The following TBKBP1 variants were observed in gnomAD, a reference collection of about 807,000 sequenced individuals.
The protein encoded by TBKBP1 is TBK1 binding protein 1, also known as TANK-binding kinase 1-binding protein 1.
A neutral mutation model predicts 69.9 loss-of-function variants in TBKBP1; 47 were observed. The ratio of observed to expected loss-of-function variants is 0.67; its 90% confidence interval spans 0.53 to 0.86. TBKBP1 has a LOEUF of 0.86. Ranked by LOEUF, TBKBP1 falls within the 40% of genes least tolerant of loss-of-function variation. TBKBP1 has a pLI of 0.00. For missense variants in TBKBP1, 831 were observed against 858.6 expected (o/e 0.97, Z 0.40); for synonymous variants, 418 against 390.3 (o/e 1.07, Z -0.84).
chr17:47,703,235 C>T (rs1330318670), intron 7 of TBKBP1, among the ~76,000 whole-genome samples: 1 of 152,154 alleles, frequency 6.6e-6, no homozygotes, highest in Non-Finnish European at 1.5e-5. Flanking sequence ...ACCCACAAGC[C>T]TCTGCGTGGG....
In TBKBP1 at chr17:47,696,245, A is replaced by G. The variant is rs1364288292; in HGVS notation, c.133A>G (p.Ile45Val). ...DMCSASHFAL[I>V]TAYGDIKERL... Reference sequence around the variant, plus strand: ...GTGCTCCGCCTCCCACTTTGCCCTCATCACTGCTTACGGAGACATCAAGGA... The same window carrying G: ...GTGCTCCGCCTCCCACTTTGCCCTCGTCACTGCTTACGGAGACATCAAGGA... The change falls in exon 2 of 10, where the codon ATC becomes GTC. Residue 45 changes from isoleucine (I) to valine (V), a missense_variant. Transcript: ENST00000578982. The G allele has an allele frequency of 1.2e-6, 2 of 1,613,726 alleles. No homozygotes were observed. Among genetic ancestry groups the G allele is most frequent in the African/African-American group, 2.7e-5 (2 of 75,024 alleles).
chr17:47,701,240 T>C (rs2031488680), intron 7 of TBKBP1, among the ~76,000 whole-genome samples: 1 of 152,082 alleles, frequency 6.6e-6, no homozygotes, highest in African/African-American at 2.4e-5. Flanking sequence ...GTGGGACTGG[T>C]GGGTGGGACC....
chr17:47,696,669 C>A, intron 2 of TBKBP1, 42 bp from the exon 3 acceptor site: 2 of 1,613,164 alleles, frequency 1.2e-6, no homozygotes, highest in Non-Finnish European at 1.7e-6. Flanking sequence ...CTGGGCTGGG[C>A]ACCCGGGAAT....
At position 47,696,570 on chromosome 17, in the gene TBKBP1, C is replaced by G. The variant is rs541471727; in HGVS notation, c.226-141C>G. 175 of 1,360,420 alleles carry G rather than the reference C, an allele frequency of 1.3e-4. No homozygotes were observed. In the African/African-American group the frequency reaches 2.5e-3, roughly 19 times the overall value. The allele number at this position is 1,360,420 out of a possible 1,614,324, so 84.3% of individuals were successfully genotyped here. A position where few individuals can be genotyped will look rare whatever the true frequency, so the allele number is the denominator to read the frequency against. ...CGGTGGGTGGGAGATGGCTACAGACCCATGGGAATTGGGATCCCACTAGCC... is the reference window on the plus strand; with the variant it reads ...CGGTGGGTGGGAGATGGCTACAGACGCATGGGAATTGGGATCCCACTAGCC... On this transcript the variant is annotated intron_variant, in intron 2 of 9. Transcript: ENST00000578982.
intron 7 of TBKBP1, among the ~76,000 whole-genome samples, chr17:47,703,453 C>A (rs984029186): frequency 6.6e-6 from 1 of 152,200 alleles, no homozygotes; most frequent in Non-Finnish European, 1.5e-5. Flanking sequence ...AAGTCTCCTT[C>A]GGCCAGGGCA....
Position 47,709,096 on chromosome 17 carries a change from G to A in TBKBP1, c.1363G>A (p.Gly455Ser), listed in dbSNP as rs2031817366. Residue 455 changes from glycine (G) to serine (S), a missense_variant, in exon 9 of 10, where the codon GGC becomes AGC. Gly to Ser is a moderately conservative substitution (Grantham distance 56). Transcript: ENST00000578982. Reference sequence around the variant, plus strand: ...GCCGCCCAGCCACCACGTGAAGGCCGGCTTCCAGGGCCGCCGCAGCTACTC... The same window carrying A: ...GCCGCCCAGCCACCACGTGAAGGCCAGCTTCCAGGGCCGCCGCAGCTACTC... ...AKPPSHHVKA[G>S]FQGRRSYSEL... is the part of the protein sequence containing the mutation. The A allele has an allele frequency of 7.4e-7, 1 of 1,360,022 alleles. No individual in the cohort carries two copies. Among genetic ancestry groups the A allele is most frequent in the East Asian group, 3.3e-5 (1 of 30,304 alleles). 84.2% of individuals were successfully genotyped at this position (1,360,022 alleles called of 1,614,324 possible).
chr17:47,696,623 G>A, intron 2 of TBKBP1, 88 bp from the exon 3 acceptor site: 4 of 1,595,312 alleles, frequency 2.5e-6, no homozygotes, highest in Non-Finnish European at 3.4e-6. Context: ...AAGGTCTGAG[G>A]CAGGTTGTGG....
At position 47,708,530 on chromosome 17, in the gene TBKBP1, A is replaced by AG; in HGVS notation, c.991+23dup. On this transcript the variant is annotated intron_variant, in intron 8 of 9. Coordinates refer to ENST00000578982, the MANE Select transcript of TBKBP1 (RefSeq NM_001394755.1). The surrounding 1 kb of genome is among the most constrained non-coding windows in gnomAD (Gnocchi z 4.4). The stretch of plus-strand genomic sequence containing the variant: ...GAGTGGCGGTGAGATGGGGCAGGGC[A>AG]GGGGGAGGCAGCCGCGGGACCCGGG... 1 of 1,611,588 alleles carries AG rather than the reference A, an allele frequency of 6.2e-7. No homozygotes were observed. Among genetic ancestry groups the AG allele is most frequent in the Non-Finnish European group, 8.5e-7 (1 of 1,178,378 alleles).
rs150137896 is a variant in TBKBP1, at chr17:47,707,068, C to T, written c.873-1326C>T. 7.8e-3 allele frequency among the ~76,000 whole-genome samples: 1,194 copies of T among 152,370 alleles called. 6 individuals carry two copies. Among genetic ancestry groups the T allele is most frequent in the Non-Finnish European group, 0.012 (818 of 68,030 alleles). ...TGTGTGGAGTGACACCTGGTATTTT[C>T]TCCCAGCTCCATCTTCCACTAAGTT... On this transcript the variant is annotated intron_variant, in intron 7 of 9. Coordinates refer to ENST00000578982, the MANE Select transcript of TBKBP1 (RefSeq NM_001394755.1).
intron 7 of TBKBP1, among the ~76,000 whole-genome samples, chr17:47,699,989 A>ATT (rs367853875): frequency 4.4e-5 from 6 of 136,240 alleles, no homozygotes; most frequent in East Asian, 2.1e-4. Flanking sequence ...TGCCTAGCTA[A>ATT]TTTTTTTTTT....
chr17:47,698,763 G>T lies in TBKBP1; in HGVS notation c.622G>T (p.Gly208Cys). 4 of 1,571,756 alleles carry T rather than the reference G, an allele frequency of 2.5e-6. No homozygotes were observed. The highest frequency in any genetic ancestry group is 1.2e-5 in the South Asian group (1 of 85,620). ...LHYLALRGGS[G>C]LSHAGWPGST... is the part of the protein sequence containing the mutation. ...CTACCTGGCACTGAGAGGGGGATCT[G>T]GCTTGAGTCATGGTGAGATCTCAGT... Residue 208 changes from glycine to cysteine, a missense_variant, in exon 5 of 10, where the codon GGC (glycine) becomes TGC (cysteine). Gly to Cys is a radical substitution (Grantham distance 159, BLOSUM62 -3). Transcript: ENST00000578982.
intron 7 of TBKBP1, among the ~76,000 whole-genome samples, chr17:47,704,721 C>T (rs754185146): frequency 6.6e-6 from 1 of 152,338 alleles, no homozygotes; most frequent in East Asian, 1.9e-4. Flanking sequence ...ATCTTGGCCA[C>T]GTGCTACATC....
In TBKBP1 at chr17:47,699,312, A is replaced by G; in HGVS notation, c.635-8A>G. 1 of 1,518,842 alleles carries G rather than the reference A, an allele frequency of 6.6e-7. No individual in the cohort carries two copies. The highest frequency in any genetic ancestry group is 8.8e-7 in the Non-Finnish European group (1 of 1,139,534). The allele number at this position is 1,518,842 out of a possible 1,614,324, so 94.1% of individuals were successfully genotyped here. A position where few individuals can be genotyped will look rare whatever the true frequency, so the allele number is the denominator to read the frequency against. On this transcript the variant is annotated splice_polypyrimidine_tract_variant and splice_region_variant and intron_variant, in intron 5 of 9. Coordinates refer to ENST00000578982, the MANE Select transcript of TBKBP1 (RefSeq NM_001394755.1). ...GAGCTCGCCTGACGTTGTCCTGTCC[A>G]CCGACAGCAGGCTGGCCGGGCTCCA...
In TBKBP1 at chr17:47,699,405, C is replaced by T. The variant is rs1291707026; in HGVS notation, c.720C>T (p.Ala240=). 5 of 1,566,050 alleles carry T rather than the reference C, an allele frequency of 3.2e-6. No individual in the cohort carries two copies. The South Asian group carries it at 3.5e-5, about 11-fold the overall frequency. Residue 240 remains alanine, a synonymous_variant, in exon 6 of 10, where the codon GCC becomes GCT. Transcript: ENST00000578982. ...EEALEAAQGE[A]RGAQLREEQL... Reference sequence around the variant, plus strand: ...CTTTGGAGGCCGCGCAGGGAGAGGCCCGGGGGGCTCAGCTCCGGGAGGAGC... The same window carrying T: ...CTTTGGAGGCCGCGCAGGGAGAGGCTCGGGGGGCTCAGCTCCGGGAGGAGC...
intron 7 of TBKBP1, among the ~76,000 whole-genome samples, chr17:47,700,371 T>C (rs113745247): frequency 0.014 from 2,023 of 142,446 alleles, 52 homozygotes; most frequent in African/African-American, 0.052. Context: ...TCTCGACTCC[T>C]GGGAGGTGGG....
Position 47,708,910 on chromosome 17 carries a change from TCGCCCGTCCCG to T in TBKBP1, c.1179_1189del (p.Pro394AlafsTer67). 7.3e-7 allele frequency: 1 copy of T among 1,368,654 alleles called. No individual in the cohort carries two copies. The highest frequency in any genetic ancestry group is 9.4e-7 in the Non-Finnish European group (1 of 1,060,904). The allele number at this position is 1,368,654 out of a possible 1,614,324, so 84.8% of individuals were successfully genotyped here. On this transcript the variant is annotated frameshift_variant, in exon 9 of 10. Coordinates refer to ENST00000578982, the MANE Select transcript of TBKBP1 (RefSeq NM_001394755.1). LOFTEE classifies it high-confidence loss of function. The surrounding 1 kb of genome is among the most constrained non-coding windows in gnomAD (Gnocchi z 4.4). ...CTCTCCGGCCTCACCCTCCTGCCCG[TCGCCCGTCCCG>T]CAGCGCCGCTCGCCGGTGCCGCCGT...
At chr17:47,694,768 G>C (rs917077556) in intron 1 of TBKBP1, 11 of 152,052 alleles carry the variant, frequency 7.2e-5, no homozygotes, top group East Asian at 3.9e-4. Context: ...GGGGGGAGGG[G>C]ATGGCGTGGG....
chr17:47,697,051 G>T (rs2031276912), intron 3 of TBKBP1, 38 bp from the exon 4 acceptor site: 3 of 1,582,254 alleles, frequency 1.9e-6, no homozygotes, highest in South Asian at 1.1e-5. Flanking sequence ...TCCAGTGTGG[G>T]ACTGACCCTG....
Position 47,696,145 on chromosome 17 carries a change from C to A in TBKBP1, c.33C>A (p.Ile11=), listed in dbSNP as rs759104211. Residue 11 remains isoleucine (I), a synonymous_variant, in exon 2 of 10, where the codon ATC becomes ATA. Transcript: ENST00000578982. MESMFEDDIS[I]LTQEALGPSE... ...CCATGTTCGAGGACGACATCAGCAT[C>A]CTGACGCAGGAGGCCCTGGGGCCTA... 95 of 1,612,946 alleles carry A rather than the reference C, an allele frequency of 5.9e-5. No individual in the cohort carries two copies. In the Middle Eastern group the frequency reaches 8.2e-4, roughly 14 times the overall value.
Sources: gnomAD v4.1 joint callset for allele counts (sites outside exome capture counted in the v4.1 genomes callset) on GRCh38, gnomAD v4.1.1 for gene constraint, Gnocchi (gnomAD v3.1) non-coding constraint, MANE v1.5 for transcripts, NCBI Gene and HGNC (gene_info 2026-07-23, HGNC 2026-07-21) for gene names.